The following ANO4 variants were observed in gnomAD, a reference collection of about 807,000 sequenced individuals.
ANO4 encodes anoctamin-4.
ANO4 carries 69 observed loss-of-function variants against 141.9 expected under a neutral mutation model. The ratio of observed to expected loss-of-function variants is 0.49; its 90% CI spans 0.40 to 0.59. The LOEUF is 0.59. Ranked by LOEUF, ANO4 falls within the 20% of genes least tolerant of loss-of-function variation. ANO4 has a pLI of 0.00. For synonymous variants in ANO4, 350 were observed against 394.3 expected, an observed-to-expected ratio of 0.89 and a Z score of 1.33; for missense variants, 894 against 1,162.2, an observed-to-expected ratio of 0.77 and a Z score of 3.36.
intron 4 of ANO4, among the ~76,000 whole-genome samples, chr12:100,939,811 C>G (rs528632540): frequency 6.6e-6 from 1 of 152,230 alleles, no homozygotes; most frequent in South Asian, 2.1e-4. Flanking sequence ...TAAAATGCAC[C>G]AGCCTTCAGT....
At chr12:100,881,024 G>A (rs577677194) in intron 1 of ANO4, among the ~76,000 whole-genome samples, 15 of 151,802 alleles carry the variant, frequency 9.9e-5, no homozygotes, top group African/African-American at 2.9e-4. Flanking sequence ...AGAACATGCG[G>A]TGTTTGGTTT....
chr12:100,729,360 CAAA>C (rs1156522144), intron 1 of ANO4, among the ~76,000 whole-genome samples: 18 of 22,576 alleles, frequency 8.0e-4, no homozygotes, highest in South Asian at 5.1e-3. Context: ...AACTCTGTCT[CAAA>C]AAAAAAAAAA....
chr12:100,917,711 C>T (rs1474542942), intron 2 of ANO4, among the ~76,000 whole-genome samples: 1 of 152,134 alleles, frequency 6.6e-6, no homozygotes, highest in Non-Finnish European at 1.5e-5. Flanking sequence ...TCAGAAGTTC[C>T]AGACCATTAC....
chr12:101,067,533 A>C (rs570865036), intron 14 of ANO4, among the ~76,000 whole-genome samples: 1 of 152,302 alleles, frequency 6.6e-6, no homozygotes, highest in Non-Finnish European at 1.5e-5. Context: ...AATATAAGAA[A>C]TTAGCTGAGC....
At chr12:100,841,618 A>G (rs1279695909) in intron 1 of ANO4, among the ~76,000 whole-genome samples, 2 of 152,198 alleles carry the variant, frequency 1.3e-5, no homozygotes, top group Non-Finnish European at 2.9e-5. Context: ...GTGAGGGAGC[A>G]TAGGAAGATC....
At position 101,020,108 on chromosome 12, in the gene ANO4, G is replaced by C; in HGVS notation, c.809G>C (p.Arg270Thr). ...AGAATCGTGCATCACATTTTACAAAGAATAAAATATGAAGAAGGAAAAAAC... is the reference window on the plus strand; with the variant it reads ...AGAATCGTGCATCACATTTTACAAACAATAAAATATGAAGAAGGAAAAAAC... Reference protein sequence around the residue: ...RSRIVHHILQRIKYEEGKNKI... With the variant: ...RSRIVHHILQTIKYEEGKNKI... Residue 270 changes from arginine (R) to threonine (T), a missense_variant, in exon 9 of 28, where the codon AGA becomes ACA. Around this residue, in one of 2 missense-constraint regions of ANO4, gnomAD observed 637 missense variants for 909.2 expected, o/e 0.70. Coordinates refer to ENST00000392977, the MANE Select transcript of ANO4 (RefSeq NM_001286615.2). 1.2e-6 allele frequency: 2 copies of C among 1,612,282 alleles called. No individual in the cohort carries two copies. Among genetic ancestry groups the C allele is most frequent in the South Asian group, 1.1e-5 (1 of 90,936 alleles).
intron 8 of ANO4, among the ~76,000 whole-genome samples, chr12:100,999,520 C>T (rs580132): frequency 0.15 from 22,616 of 152,128 alleles, 1,995 homozygotes; most frequent in East Asian, 0.25. Context: ...CCATCTGCAT[C>T]ATTAATTCCT....
rs537021494 is a variant in ANO4 at position 100,901,549 on chromosome 12, G to T, written c.-140-97G>T. On this transcript the variant is annotated intron_variant, in intron 1 of 27. Coordinates refer to ENST00000392977, the MANE Select transcript of ANO4 (RefSeq NM_001286615.2). The stretch of plus-strand genomic sequence containing the variant: ...GCATACCTTAAGAATTTGAAACATG[G>T]TTGCTTCTGTTCTCTGGACTTCATA... The T allele has an allele frequency of 1.3e-5, 7 of 543,348 alleles. No individual in the cohort carries two copies. In the East Asian group the frequency reaches 1.5e-4, roughly 12 times the overall value. The allele number at this position is 543,348 out of a possible 1,614,324, so 33.7% of individuals were successfully genotyped here.
chr12:100,855,571 C>T (rs866128288), intron 1 of ANO4, among the ~76,000 whole-genome samples: 36 of 152,262 alleles, frequency 2.4e-4, no homozygotes, highest in African/African-American at 7.7e-4. Context: ...TGTACTCTAT[C>T]ATACTTACAG....
intron 1 of ANO4, among the ~76,000 whole-genome samples, chr12:100,844,175 A>C (rs79575396): frequency 0.023 from 3,450 of 152,120 alleles, 134 homozygotes; most frequent in African/African-American, 0.079. Context: ...AATTTCAGAT[A>C]GTGTTAAGGC....
intron 1 of ANO4, among the ~76,000 whole-genome samples, chr12:100,835,417 C>G (rs145920811): frequency 1.3e-5 from 2 of 152,030 alleles, no homozygotes; most frequent in African/African-American, 4.8e-5. Flanking sequence ...AAGCCACAGA[C>G]GGTTGAAGAG....
chr12:100,948,867 G>A (rs1472758475), intron 5 of ANO4, among the ~76,000 whole-genome samples: 1 of 152,120 alleles, frequency 6.6e-6, no homozygotes, highest in Non-Finnish European at 1.5e-5. Context: ...AAATTTAATG[G>A]GATGTCACTC....
intron 9 of ANO4, among the ~76,000 whole-genome samples, chr12:101,032,122 C>A (rs2046998608): frequency 6.6e-6 from 1 of 152,102 alleles, no homozygotes. Flanking sequence ...CGCATACAGC[C>A]AAGACAATCG....
chr12:101,056,823 C>T (rs1008129596), intron 14 of ANO4, among the ~76,000 whole-genome samples: 2 of 150,858 alleles, frequency 1.3e-5, no homozygotes, highest in Non-Finnish European at 2.9e-5. Context: ...AAAAGCTTTT[C>T]CTGTATTAAC....
rs1194933529 is a variant in ANO4 at position 101,094,349 on chromosome 12, C to CATAGAACATAG, written c.1738+58_1738+59insTAGAACATAGA. The CATAGAACATAG allele has an allele frequency of 2.9e-6, 4 of 1,388,666 alleles. No individual in the cohort carries two copies. In the African/African-American group the frequency reaches 5.8e-5, roughly 20 times the overall value. 86.0% of individuals were successfully genotyped at this position (1,388,666 alleles called of 1,614,324 possible). ...GTACTGTGGGCTAGAGAGTATGGTT[C>CATAGAACATAG]AAAGATTCCTTTCTCTAATACTGCT... On this transcript the variant is annotated intron_variant, in intron 18 of 27. Coordinates refer to ENST00000392977, the MANE Select transcript of ANO4 (RefSeq NM_001286615.2).
At chr12:101,047,867 A>T in intron 13 of ANO4, 1 of 285,216 alleles carries the variant, frequency 3.5e-6, no homozygotes, top group Non-Finnish European at 5.3e-6. Flanking sequence ...GCTGAAATCC[A>T]GAGGGCAGCC....
At chr12:100,956,939 G>T (rs1001702587) in intron 5 of ANO4, among the ~76,000 whole-genome samples, 2 of 151,858 alleles carry the variant, frequency 1.3e-5, no homozygotes, top group African/African-American at 4.8e-5. Flanking sequence ...TTTTTCTCTG[G>T]TCCCATTTGT....
At chr12:100,834,188 G>A (rs555771204) in intron 1 of ANO4, among the ~76,000 whole-genome samples, 2 of 152,156 alleles carry the variant, frequency 1.3e-5, no homozygotes, top group Non-Finnish European at 2.9e-5. Context: ...TTCTTCCACT[G>A]TTGTGGCAAT....
chr12:101,073,562 A>G (rs1332992386), intron 14 of ANO4, among the ~76,000 whole-genome samples: 2 of 60,084 alleles, frequency 3.3e-5, no homozygotes, highest in Admixed American at 3.8e-4. Context: ...CCTAGAACTT[A>G]AAGTATAATA....
Sources: gnomAD v4.1 joint callset for allele counts (sites outside exome capture counted in the v4.1 genomes callset) on GRCh38, gnomAD v4.1.1 for gene constraint, gnomAD v4.1.1 regional missense constraint, MANE v1.5 for transcripts, NCBI Gene and HGNC (gene_info 2026-07-23, HGNC 2026-07-21) for gene names.